POMT2: variants seen among roughly 807,000 people sequenced by gnomAD.
POMT2 encodes the protein protein O-mannosyltransferase 2.
A neutral mutation model predicts 100.0 loss-of-function variants in POMT2; 75 were observed. The ratio of observed to expected loss-of-function variants is 0.75; its 90% CI spans 0.62 to 0.91. The LOEUF (loss-of-function observed/expected upper bound fraction) is 0.91, where lower values mean the gene tolerates loss of function less well. Ranked by LOEUF, POMT2 falls within the 40% of genes least tolerant of loss-of-function variation. POMT2 has a pLI of 0.00. For missense variants in POMT2, 940 were observed against 955.1 expected (o/e 0.98, Z 0.21); for synonymous variants, 378 against 374.1 (o/e 1.01, Z -0.12).
At chr14:77,302,329 C>G (rs1049253148) in intron 5 of POMT2, among the ~76,000 whole-genome samples, 1 of 152,198 alleles carries the variant, frequency 6.6e-6, no homozygotes, top group African/African-American at 2.4e-5. Context: ...TTCAAGCCAA[C>G]CTTTACATAT....
Position 77,285,055 on chromosome 14 carries a change from A to C in POMT2, c.1485-14T>G. 6.3e-7 allele frequency: 1 copy of C among 1,588,426 alleles called. No individual in the cohort carries two copies. On this transcript the variant is annotated splice_polypyrimidine_tract_variant and intron_variant, in intron 13 of 20. Transcript: ENST00000261534. ...TGCTCCCAGCCCCTGTGAAAAGCAG[A>C]AGTCACAGATGTCTCTCAGAAGACG...
chr14:77,320,201 A>G, intron 1 of POMT2: 1 of 682,442 alleles, frequency 1.5e-6, no homozygotes, highest in Non-Finnish European at 2.5e-6. Flanking sequence ...CCTGGAAGAC[A>G]TGAGGGCTGC....
chr14:77,285,641 A>C lies in POMT2; in HGVS notation c.1333-9T>G. The C allele has an allele frequency of 6.2e-7, 1 of 1,610,698 alleles. No homozygotes were observed. Among genetic ancestry groups the C allele is most frequent in the East Asian group, 2.2e-5 (1 of 44,862 alleles). ...GAGTCCCCTGTTCCATTCTGCCATA[A>C]AAGCCAAGAAAAAAATACAAAGAAA... On this transcript the variant is annotated splice_polypyrimidine_tract_variant and intron_variant, in intron 12 of 20. Transcript: ENST00000261534.
chr14:77,296,896 A>T (rs1463391576), intron 8 of POMT2, among the ~76,000 whole-genome samples: 1 of 152,128 alleles, frequency 6.6e-6, no homozygotes, highest in African/African-American at 2.4e-5. Context: ...CATTCAGTGG[A>T]CCAGAAGAAT....
chr14:77,285,447 C>A (rs1012643609), intron 13 of POMT2, 34 bp downstream of exon 13: 3 of 1,613,590 alleles, frequency 1.9e-6, no homozygotes, highest in Non-Finnish European at 2.5e-6. Flanking sequence ...AAATCAGGAC[C>A]CTCGATTGGG....
At chr14:77,280,559 C>A (rs371128788) in intron 15 of POMT2, 96 bp from the exon 16 acceptor site, 1 of 1,589,032 alleles carries the variant, frequency 6.3e-7, no homozygotes, top group African/African-American at 1.3e-5. Flanking sequence ...GGCCAAGCGC[C>A]GAGCAGAACC....
intron 18 of POMT2, chr14:77,279,197 C>T: frequency 4.6e-6 from 2 of 433,112 alleles, no homozygotes; most frequent in Non-Finnish European, 8.6e-6. Flanking sequence ...CCACACAGAT[C>T]TTTGCAGCGG....
Position 77,280,061 on chromosome 14 carries a change from A to G in POMT2, c.1745T>C (p.Val582Ala). ...INYQGLRFSG[V>A]NDTDFRVYLL... ...ATAGACTCGGAAATCTGTGTCATTGACCCCTGAGAAGCGTAGGCCCTGTGG... is the reference window on the plus strand; with the variant it reads ...ATAGACTCGGAAATCTGTGTCATTGGCCCCTGAGAAGCGTAGGCCCTGTGG... The change falls in exon 17 of 21, where the codon GTC becomes GCC. Residue 582 changes from valine to alanine, a missense_variant. Physicochemically the swap from Val to Ala is moderately conservative, Grantham distance 64 (BLOSUM62 0). Coordinates refer to ENST00000261534, the MANE Select transcript of POMT2 (RefSeq NM_013382.7). The G allele has an allele frequency of 1.9e-6, 3 of 1,613,614 alleles. No homozygotes were observed. Among genetic ancestry groups the G allele is most frequent in the East Asian group, 2.2e-5 (1 of 44,874 alleles).
chr14:77,278,731 G>C lies in POMT2; in HGVS notation c.2030C>G (p.Thr677Arg). Reference protein sequence around the residue: ...FPAMLFSSMLTGILWDTLLRL... With the variant: ...FPAMLFSSMLRGILWDTLLRL... ...AAGTCCAGGTGGGTGGCACTGACCTGTCAACATGCTTGAGAAGAGCATGGC... is the reference window on the plus strand; with the variant it reads ...AAGTCCAGGTGGGTGGCACTGACCTCTCAACATGCTTGAGAAGAGCATGGC... Residue 677 changes from threonine (T) to arginine (R), a missense_variant and splice_region_variant, in exon 19 of 21, where the codon ACA becomes AGA. Physicochemically the swap from Thr to Arg is moderately conservative, Grantham distance 71. Coordinates refer to ENST00000261534, the MANE Select transcript of POMT2 (RefSeq NM_013382.7). The C allele has an allele frequency of 6.2e-7, 1 of 1,613,918 alleles. No homozygotes were observed. The highest frequency in any genetic ancestry group is 8.5e-7 in the Non-Finnish European group (1 of 1,179,928).
At chr14:77,293,353 T>G (rs1203821344) in intron 9 of POMT2, among the ~76,000 whole-genome samples, 1 of 152,192 alleles carries the variant, frequency 6.6e-6, no homozygotes, top group Non-Finnish European at 1.5e-5. Flanking sequence ...TTATCATGAG[T>G]ACAGTCCATG....
intron 5 of POMT2, 68 bp from the exon 6 acceptor site, chr14:77,301,317 G>T (rs974445282): frequency 1.9e-6 from 3 of 1,586,518 alleles, no homozygotes; most frequent in Admixed American, 1.7e-5. Flanking sequence ...CGCAGCAGGG[G>T]ACAGGGCAGT....
intron 12 of POMT2, 44 bp downstream of exon 12, chr14:77,286,700 C>T: frequency 2.5e-6 from 4 of 1,612,820 alleles, no homozygotes; most frequent in Non-Finnish European, 3.4e-6. Context: ...TGAGCCAAGG[C>T]CCATAACTTT....
chr14:77,280,223 G>A, intron 16 of POMT2, 143 bp from the exon 17 acceptor site: 1 of 1,563,850 alleles, frequency 6.4e-7, no homozygotes, highest in East Asian at 2.4e-5. Context: ...AGCTCTCTGG[G>A]AAGCAGGGTC....
rs1359718608 is a variant in POMT2 at position 77,299,484 on chromosome 14, A to C, written c.894T>G (p.Phe298Leu). 6.2e-7 allele frequency: 1 copy of C among 1,614,122 alleles called. No homozygotes were observed. The highest frequency in any genetic ancestry group is 8.5e-7 in the Non-Finnish European group (1 of 1,179,958). Residue 298 changes from phenylalanine to leucine, a missense_variant, in exon 7 of 21, where the codon TTT becomes TTG. Physicochemically the swap from Phe to Leu is conservative, Grantham distance 22 (BLOSUM62 0). Coordinates refer to ENST00000261534, the MANE Select transcript of POMT2 (RefSeq NM_013382.7). ...VLPLALYTAT[F>L]AVHFMVLSKS... ...TACTCAGCACCATGAAGTGAACAGCAAAGGTGGCTGTATAGAGAGCCAGGG... is the reference window on the plus strand; with the variant it reads ...TACTCAGCACCATGAAGTGAACAGCCAAGGTGGCTGTATAGAGAGCCAGGG...
rs779844724 is a variant in POMT2, at chr14:77,296,160, T to C, written c.1116+4A>G. ...CCGTACAAGTGCACAAAAGGCTCAC[T>C]GACCTGCTGCTGACGGGCACCAATG... On this transcript the variant is annotated splice_donor_region_variant and intron_variant, in intron 9 of 20. Coordinates refer to ENST00000261534, the MANE Select transcript of POMT2 (RefSeq NM_013382.7). 11 of 1,593,772 alleles carry C rather than the reference T, an allele frequency of 6.9e-6. No individual in the cohort carries two copies. Among genetic ancestry groups the C allele is most frequent in the Non-Finnish European group, 9.4e-6 (11 of 1,170,164 alleles).
intron 2 of POMT2, among the ~76,000 whole-genome samples, chr14:77,308,467 T>C (rs1444691159): frequency 6.7e-6 from 1 of 149,680 alleles, no homozygotes; most frequent in Non-Finnish European, 1.5e-5. Context: ...GTGATTCTCC[T>C]GCCTCAGCCT....
chr14:77,299,387 G>A (rs892973524), intron 7 of POMT2, 68 bp downstream of exon 7: 109 of 1,379,450 alleles, frequency 7.9e-5, no homozygotes, highest in Non-Finnish European at 1.1e-4. Flanking sequence ...AAAATCATCC[G>A]ACCCCTCCAC....
intron 1 of POMT2, among the ~76,000 whole-genome samples, chr14:77,317,105 G>A (rs552230779): frequency 2.0e-5 from 3 of 152,210 alleles, no homozygotes; most frequent in South Asian, 2.1e-4. Flanking sequence ...TAGGCACAAC[G>A]TAAGGGACTA....
chr14:77,298,669 A>T lies in POMT2; in HGVS notation c.1006+20T>A, dbSNP rs1236367137. The stretch of plus-strand genomic sequence containing the variant: ...ACACCCCTCTGCCTTCTACCTTTGT[A>T]ATGGCCCAGAGACACTCACGTTCAG... On this transcript the variant is annotated intron_variant, in intron 8 of 20. Transcript: ENST00000261534. 6.2e-7 allele frequency: 1 copy of T among 1,613,234 alleles called. No homozygotes were observed. The highest frequency in any genetic ancestry group is 1.7e-5 in the Admixed American group (1 of 59,986).
Sources: allele counts gnomAD v4.1 joint callset (sites outside exome capture counted in the v4.1 genomes callset), GRCh38; gene constraint gnomAD v4.1.1; transcripts MANE v1.5; gene names NCBI Gene and HGNC (gene_info 2026-07-23, HGNC 2026-07-21).